GALNT13: variants seen among roughly 807,000 people sequenced by gnomAD.
GALNT13 encodes polypeptide N-acetylgalactosaminyltransferase 13, also known as UDP-GalNAc:polypeptide N-acetylgalactosaminyltransferase 13.
In GALNT13, 28 loss-of-function variants were observed where a neutral mutation model predicts 64.2. The observed-to-expected ratio is 0.44, with a 90% CI of 0.32 to 0.60. GALNT13 has a LOEUF of 0.60. Ranked by LOEUF, GALNT13 falls within the 20% of genes least tolerant of loss-of-function variation. The pLI, the probability that GALNT13 is intolerant of heterozygous loss-of-function variation, is 0.05. For missense variants in GALNT13, 577 were observed against 669.8 expected (o/e 0.86, Z 1.53); for synonymous variants, 214 against 224.6 (o/e 0.95, Z 0.42).
At chr2:153,459,683 C>T in the GALNT13 span, among the ~76,000 whole-genome samples, 3 of 152,190 alleles carry the variant, frequency 2.0e-5, no homozygotes, top group African/African-American at 7.2e-5. Flanking sequence ...CTTAAATACA[C>T]ATAAGAACTT....
intron 4 of GALNT13, among the ~76,000 whole-genome samples, chr2:154,233,037 CAAAAAAAAA>C (rs375484057): frequency 3.4e-5 from 2 of 59,070 alleles, no homozygotes; most frequent in African/African-American, 1.2e-4. Context: ...GACCCTGTCT[CAAAAAAAAA>C]AAAAAAAAAA....
chr2:153,618,628 C>G, the GALNT13 span, among the ~76,000 whole-genome samples: 5 of 151,966 alleles, frequency 3.3e-5, no homozygotes, highest in African/African-American at 9.6e-5. Context: ...ATGTTGAAGT[C>G]TTCTGCTATT....
chr2:153,995,687 T>C (rs1362337453), intron 3 of GALNT13, among the ~76,000 whole-genome samples: 1 of 152,126 alleles, frequency 6.6e-6, no homozygotes, highest in East Asian at 1.9e-4. Flanking sequence ...ACTTTCAAGA[T>C]TTTTTGTCTA....
chr2:153,132,195 C>T, the GALNT13 span, among the ~76,000 whole-genome samples: 6 of 152,096 alleles, frequency 3.9e-5, no homozygotes, highest in Non-Finnish European at 8.8e-5. Flanking sequence ...CAAACATGGT[C>T]TTTTTGCAAC....
At chr2:154,147,309 A>G (rs929286925) in intron 4 of GALNT13, among the ~76,000 whole-genome samples, 2 of 150,684 alleles carry the variant, frequency 1.3e-5, no homozygotes, top group African/African-American at 4.9e-5. Context: ...TGGAATGACT[A>G]TATACATATA....
intron 10 of GALNT13, among the ~76,000 whole-genome samples, chr2:154,397,395 C>T (rs1233953514): frequency 2.0e-5 from 3 of 152,196 alleles, no homozygotes; most frequent in South Asian, 2.1e-4. Flanking sequence ...GCCGAGATCG[C>T]GCCATTGCAC....
chr2:154,363,977 G>A (rs550289966), intron 9 of GALNT13, among the ~76,000 whole-genome samples: 90 of 152,048 alleles, frequency 5.9e-4, no homozygotes, highest in Non-Finnish European at 1.1e-3. Flanking sequence ...TATTTTTTGT[G>A]TTAAGAACAT....
chr2:153,095,269 C>T, the GALNT13 span, among the ~76,000 whole-genome samples: 1 of 152,166 alleles, frequency 6.6e-6, no homozygotes, highest in African/African-American at 2.4e-5. Flanking sequence ...ATTTATGCAG[C>T]CAACAGACAC....
At chr2:153,830,524 T>C in the GALNT13 span, among the ~76,000 whole-genome samples, 1 of 152,192 alleles carries the variant, frequency 6.6e-6, no homozygotes, top group Non-Finnish European at 1.5e-5. Flanking sequence ...ATTGCCTTTG[T>C]CAATTTCATA....
At chr2:153,900,644 A>G (rs1023088178) in intron 1 of GALNT13, among the ~76,000 whole-genome samples, 3 of 152,286 alleles carry the variant, frequency 2.0e-5, no homozygotes, top group Middle Eastern at 3.4e-3. Context: ...CATTCTGCCA[A>G]TATTCTGGGG....
intron 4 of GALNT13, among the ~76,000 whole-genome samples, chr2:154,173,129 C>T (rs1309799089): frequency 1.3e-5 from 2 of 151,822 alleles, no homozygotes; most frequent in African/African-American, 4.8e-5. Flanking sequence ...TTAAAACAGA[C>T]ATATGGACAA....
chr2:153,603,224 T>G, the GALNT13 span, among the ~76,000 whole-genome samples: 1 of 151,874 alleles, frequency 6.6e-6, no homozygotes, highest in Admixed American at 6.6e-5. Flanking sequence ...GGAAGTACTT[T>G]CTCTTTTCTT....
intron 9 of GALNT13, among the ~76,000 whole-genome samples, chr2:154,346,751 A>G (rs1434911155): frequency 6.6e-6 from 1 of 152,084 alleles, no homozygotes; most frequent in African/African-American, 2.4e-5. Context: ...ATAATATCCT[A>G]TATTCACATA....
chr2:153,712,517 A>C, the GALNT13 span, among the ~76,000 whole-genome samples: 9 of 152,180 alleles, frequency 5.9e-5, no homozygotes, highest in African/African-American at 2.2e-4. Context: ...AAAAATGAGC[A>C]AATAAGTTAT....
At chr2:154,014,120 C>T (rs1361383427) in intron 3 of GALNT13, among the ~76,000 whole-genome samples, 1 of 152,184 alleles carries the variant, frequency 6.6e-6, no homozygotes, top group Non-Finnish European at 1.5e-5. Flanking sequence ...CCGACTGTCA[C>T]CCAAATGCAA....
chr2:154,310,015 C>T (rs1304932988), intron 9 of GALNT13, among the ~76,000 whole-genome samples: 15 of 152,186 alleles, frequency 9.9e-5, no homozygotes, highest in African/African-American at 3.6e-4. Flanking sequence ...TTCATTGGGT[C>T]TCCAAGCTTA....
intron 3 of GALNT13, among the ~76,000 whole-genome samples, chr2:153,951,464 A>G (rs1692177699): frequency 6.6e-6 from 1 of 152,128 alleles, no homozygotes; most frequent in Non-Finnish European, 1.5e-5. Flanking sequence ...ATAGTGCAAA[A>G]TGAGGTGTAA....
the GALNT13 span, among the ~76,000 whole-genome samples, chr2:153,635,388 C>G: frequency 7.3e-5 from 6 of 82,624 alleles, no homozygotes; most frequent in Admixed American, 5.6e-4. Flanking sequence ...ACTCATAGTA[C>G]AGTAAATATG....
At chr2:153,677,794 T>A in the GALNT13 span, among the ~76,000 whole-genome samples, 3 of 152,138 alleles carry the variant, frequency 2.0e-5, no homozygotes, top group Admixed American at 6.6e-5. Context: ...GGACTTCCTA[T>A]TCAATAAATG....
Sources: gnomAD v4.1 joint callset for allele counts (sites outside exome capture counted in the v4.1 genomes callset) on GRCh38, gnomAD v4.1.1 for gene constraint, MANE v1.5 for transcripts, NCBI Gene and HGNC (gene_info 2026-07-23, HGNC 2026-07-21) for gene names.